Variants in C12orf50 observed in about 807,000 individuals in gnomAD.
The protein encoded by C12orf50 is uncharacterized protein C12orf50.
Under a neutral mutation model 61.6 loss-of-function variants are expected in C12orf50, and 35 were observed. The observed-to-expected ratio is 0.57, with a 90% CI of 0.43 to 0.75. The LOEUF (loss-of-function observed/expected upper bound fraction) is 0.75, where lower values mean the gene tolerates loss of function less well. Among genes scored for constraint, C12orf50 ranks in the 30% least tolerant of loss-of-function variants. The probability of loss-of-function intolerance (pLI) is 0.00; values close to 1 mark genes in which losing one functional copy is unlikely to be tolerated. For synonymous variants in C12orf50, 178 were observed against 161.5 expected (o/e 1.10, Z -0.77); for missense variants, 475 against 488.5 (o/e 0.97, Z 0.26).
At chr12:87,988,970 T>C (rs1250478481) in intron 8 of C12orf50, among the ~76,000 whole-genome samples, 1 of 152,168 alleles carries the variant, frequency 6.6e-6, no homozygotes, top group African/African-American at 2.4e-5. Context: ...AATTCATTTA[T>C]ACTGATATTA....
chr12:88,026,874 T>G, intron 2 of C12orf50, 77 bp downstream of exon 2: 1 of 1,535,692 alleles, frequency 6.5e-7, no homozygotes, highest in Non-Finnish European at 8.8e-7. Flanking sequence ...TCTTCCATAT[T>G]GTTTTGAAAA....
intron 4 of C12orf50, among the ~76,000 whole-genome samples, chr12:87,997,242 A>G (rs11104709): frequency 0.068 from 10,362 of 152,170 alleles, 413 homozygotes; most frequent in African/African-American, 0.094. Flanking sequence ...TAACTACTAC[A>G]TAGATCTCTA....
rs995001274 is a variant in C12orf50 at position 87,984,530 on chromosome 12, C to T, written c.1126+1320G>A. On this transcript the variant is annotated intron_variant, in intron 11 of 12. Transcript: ENST00000298699. Reference sequence around the variant, plus strand: ...CCTTCCATGAAGTGACTTCCATGTTCGCAGTAATTGGTGTGATGCAATACC... The same window carrying T: ...CCTTCCATGAAGTGACTTCCATGTTTGCAGTAATTGGTGTGATGCAATACC... 6.6e-5 allele frequency: 10 copies of T among 152,086 alleles called. No individual in the cohort carries two copies. The South Asian group carries it at 8.3e-4, about 13-fold the overall frequency. The allele number at this position is 152,086 out of a possible 1,614,324, so 9.4% of individuals were successfully genotyped here. A position where few individuals can be genotyped will look rare whatever the true frequency, so the allele number is the denominator to read the frequency against.
intron 3 of C12orf50, among the ~76,000 whole-genome samples, chr12:88,019,018 G>T (rs965047336): frequency 3.9e-5 from 6 of 152,116 alleles, no homozygotes; most frequent in Non-Finnish European, 8.8e-5. Flanking sequence ...TAAGACTTTT[G>T]GGGAATGTTG....
chr12:88,005,687 T>C (rs1265297004), intron 3 of C12orf50, among the ~76,000 whole-genome samples: 2 of 152,122 alleles, frequency 1.3e-5, no homozygotes, highest in Admixed American at 1.3e-4. Flanking sequence ...TCGCCCAGGC[T>C]GGAGTGCAGT....
intron 3 of C12orf50, among the ~76,000 whole-genome samples, chr12:88,006,206 G>A (rs958964339): frequency 6.6e-6 from 1 of 152,078 alleles, no homozygotes; most frequent in East Asian, 1.9e-4. Context: ...GTGAGCCACC[G>A]CGCCTGGCCC....
rs753378651 is a variant in C12orf50 at position 87,996,653 on chromosome 12, G to T, written c.290-7C>A. The T allele has an allele frequency of 6.4e-7, 1 of 1,570,550 alleles. No homozygotes were observed. Among genetic ancestry groups the T allele is most frequent in the Non-Finnish European group, 8.7e-7 (1 of 1,152,928 alleles). ...GTCCATAAACTAGAAGCATCTATAG[G>T]ATATAGATTTTTTAAATTAAATTGT... On this transcript the variant is annotated splice_region_variant and splice_polypyrimidine_tract_variant and intron_variant, in intron 4 of 12. Transcript: ENST00000298699.
chr12:88,005,634 T>A (rs75158535), intron 3 of C12orf50, among the ~76,000 whole-genome samples: 8 of 152,144 alleles, frequency 5.3e-5, no homozygotes, highest in East Asian at 1.9e-4. Context: ...ATGTTATTTA[T>A]TTTATTTATT....
intron 3 of C12orf50, among the ~76,000 whole-genome samples, chr12:88,011,520 T>C (rs1185857514): frequency 1.3e-5 from 2 of 152,196 alleles, no homozygotes; most frequent in African/African-American, 4.8e-5. Flanking sequence ...CAATTGAGTA[T>C]TAATCTGTTA....
chr12:87,980,408 G>T (rs375236841), intron 12 of C12orf50, 52 bp from the exon 13 acceptor site: 1 of 1,450,852 alleles, frequency 6.9e-7, no homozygotes, highest in Admixed American at 1.8e-5. Context: ...TTAGCGCACT[G>T]ATATTTTGTT....
chr12:88,005,626 G>T (rs2031829494), intron 3 of C12orf50, among the ~76,000 whole-genome samples: 1 of 152,102 alleles, frequency 6.6e-6, no homozygotes, highest in Non-Finnish European at 1.5e-5. Context: ...TTTATTTTAT[G>T]TTATTTATTT....
Position 87,986,320 on chromosome 12 carries a change from A to C in C12orf50, c.914T>G (p.Met305Arg), listed in dbSNP as rs1449300358. The change falls in exon 10 of 13, where the codon ATG (methionine) becomes AGG (arginine). Residue 305 changes from methionine (M) to arginine (R), a missense_variant. Physicochemically the swap from Met to Arg is moderately conservative, Grantham distance 91 (BLOSUM62 -1). Transcript: ENST00000298699. ...ATATATAGACACCTTACCTCTCTGC[A>C]TTCCAGAGTTAGGAAAGTTCTGTGG... ...DEPQNFPNSG[M>R]QRAVQAPRPQ... The C allele has an allele frequency of 1.9e-6, 3 of 1,595,196 alleles. No individual in the cohort carries two copies. Among genetic ancestry groups the C allele is most frequent in the Non-Finnish European group, 2.6e-6 (3 of 1,168,934 alleles).
Position 88,020,207 on chromosome 12 carries a change from A to G in C12orf50, c.133+6281T>C, listed in dbSNP as rs893569251. 1.9e-4 allele frequency among the ~76,000 whole-genome samples: 29 copies of G among 152,328 alleles called. No homozygotes were observed. In the East Asian group the frequency reaches 5.0e-3, roughly 26 times the overall value. Reference sequence around the variant, plus strand: ...ACATATCAATGTAACCTTGAATGTAAAGGAGCTAAATGCACCAATTAAAAG... The same window carrying G: ...ACATATCAATGTAACCTTGAATGTAGAGGAGCTAAATGCACCAATTAAAAG... On this transcript the variant is annotated intron_variant, in intron 3 of 12. Transcript: ENST00000298699.
intron 3 of C12orf50, among the ~76,000 whole-genome samples, chr12:88,002,186 A>G (rs76587468): frequency 0.028 from 4,250 of 151,784 alleles, 210 homozygotes; most frequent in African/African-American, 0.096. Flanking sequence ...TTGGTATGCT[A>G]TGTTTTACTT....
intron 8 of C12orf50, 48 bp downstream of exon 8, chr12:87,989,215 CT>C: frequency 7.4e-7 from 1 of 1,350,898 alleles, no homozygotes; most frequent in Non-Finnish European, 1.0e-6. Flanking sequence ...TTGTCTTTAA[CT>C]TGCCTAGCCA....
chr12:87,989,374 A>G lies in C12orf50; in HGVS notation c.593-3T>C, dbSNP rs2031010126. The G allele has an allele frequency of 1.9e-6, 3 of 1,604,678 alleles. No individual in the cohort carries two copies. The highest frequency in any genetic ancestry group is 1.1e-5 in the South Asian group (1 of 90,470). The stretch of plus-strand genomic sequence containing the variant: ...CTGTGGAACATAACAGTCACCTCCT[A>G]TGACAAAACCTTACTGTCAGTGGCA... On this transcript the variant is annotated splice_polypyrimidine_tract_variant and splice_region_variant and intron_variant, in intron 7 of 12. Coordinates refer to ENST00000298699, the MANE Select transcript of C12orf50 (RefSeq NM_152589.3).
chr12:88,014,447 A>G lies in C12orf50; in HGVS notation c.133+12041T>C, dbSNP rs570242382. 4.3e-4 allele frequency among the ~76,000 whole-genome samples: 66 copies of G among 152,072 alleles called. 1 individual carries two copies. The highest frequency in any genetic ancestry group is 1.4e-3 in the African/African-American group (59 of 41,488). On this transcript the variant is annotated intron_variant, in intron 3 of 12. Coordinates refer to ENST00000298699, the MANE Select transcript of C12orf50 (RefSeq NM_152589.3). ...CTCCTGAGTAGCTGGGACTACAGGC[A>G]TCTGCCACTACGTCCGGCTAATTTT...
intron 3 of C12orf50, among the ~76,000 whole-genome samples, chr12:88,001,508 TG>T (rs1347409285): frequency 6.6e-6 from 1 of 150,762 alleles, no homozygotes; most frequent in Non-Finnish European, 1.5e-5. Flanking sequence ...CTCATAGACA[TG>T]AGTTGGAAAG....
At chr12:87,992,820 G>A (rs2031188671) in intron 7 of C12orf50, among the ~76,000 whole-genome samples, 3 of 152,052 alleles carry the variant, frequency 2.0e-5, no homozygotes, top group African/African-American at 2.4e-5. Context: ...TTATTAAAGT[G>A]CAATAACACA....
Sources: allele counts gnomAD v4.1 joint callset (sites outside exome capture counted in the v4.1 genomes callset), GRCh38; gene constraint gnomAD v4.1.1; transcripts MANE v1.5; gene names NCBI Gene and HGNC (gene_info 2026-07-23, HGNC 2026-07-21).